NXPE4: variants seen among roughly 807,000 people sequenced by gnomAD.
NXPE4 encodes NXPE family member 4.
NXPE4 carries 42 observed loss-of-function variants against 33.3 expected under a neutral mutation model. The observed-to-expected ratio is 1.26, with a 90% CI of 0.98 to 1.63. NXPE4 has a LOEUF of 1.63. NXPE4 is among the 40% of genes most tolerant of loss of function. NXPE4 has a pLI of 0.00. For missense variants in NXPE4, 709 were observed against 647.6 expected, an observed-to-expected ratio of 1.09 and a Z score of -1.03; for synonymous variants, 253 against 234.9, an observed-to-expected ratio of 1.08 and a Z score of -0.71.
At chr11:114,666,331 A>T in the NXPE4 span, among the ~76,000 whole-genome samples, 2 of 152,222 alleles carry the variant, frequency 1.3e-5, no homozygotes, top group African/African-American at 4.8e-5. Flanking sequence ...GCCTCCTTTA[A>T]AGTAAAGTAA....
chr11:114,578,691 G>A lies in NXPE4; in HGVS notation c.1099+1441C>T, dbSNP rs533136853. ...CAGCTACTGCAATTCTCTCAGTGATGAGAGCCAGGATCCGGGGTCATAGAG... is the reference window on the plus strand; with the variant it reads ...CAGCTACTGCAATTCTCTCAGTGATAAGAGCCAGGATCCGGGGTCATAGAG... On this transcript the variant is annotated intron_variant, in intron 5 of 5. Coordinates refer to ENST00000375478, the MANE Select transcript of NXPE4 (RefSeq NM_001077639.2). Among the ~76,000 whole-genome samples the A allele has an allele frequency of 8.3e-4, 127 of 152,324 alleles. 1 individual carries two copies. In the Middle Eastern group the frequency reaches 0.01, roughly 12 times the overall value.
At chr11:114,625,337 T>G in the NXPE4 span, among the ~76,000 whole-genome samples, 1 of 152,150 alleles carries the variant, frequency 6.6e-6, no homozygotes, top group Non-Finnish European at 1.5e-5. Flanking sequence ...GGGTAACCAC[T>G]GTTACTGGGT....
the NXPE4 span, among the ~76,000 whole-genome samples, chr11:114,650,838 A>C: frequency 6.8e-6 from 1 of 147,198 alleles, no homozygotes; most frequent in Non-Finnish European, 1.5e-5. Context: ...GGACCCGGAA[A>C]ACAGAGTCTC....
the NXPE4 span, among the ~76,000 whole-genome samples, chr11:114,641,747 G>T: frequency 6.6e-6 from 1 of 152,042 alleles, no homozygotes; most frequent in East Asian, 1.9e-4. Context: ...AGTGGGCAAC[G>T]TTCTAGTACA....
chr11:114,612,853 T>C, the NXPE4 span, among the ~76,000 whole-genome samples: 1 of 152,018 alleles, frequency 6.6e-6, no homozygotes, highest in South Asian at 2.1e-4. Flanking sequence ...GCCTTGTGGG[T>C]AATCAATGTT....
the NXPE4 span, among the ~76,000 whole-genome samples, chr11:114,611,815 T>C: frequency 6.6e-6 from 1 of 151,930 alleles, no homozygotes; most frequent in Non-Finnish European, 1.5e-5. Context: ...GGGAAACCAC[T>C]GTTACCCGGT....
intron 2 of NXPE4, among the ~76,000 whole-genome samples, chr11:114,584,875 T>G (rs78834340): frequency 0.092 from 14,051 of 152,164 alleles, 717 homozygotes; most frequent in Middle Eastern, 0.2. Context: ...GGGTGATCTC[T>G]TCTAGGAAAT....
intron 2 of NXPE4, among the ~76,000 whole-genome samples, chr11:114,586,217 T>A (rs1244550495): frequency 1.3e-5 from 2 of 152,206 alleles, no homozygotes; most frequent in Non-Finnish European, 2.9e-5. Context: ...AGAGCTTTTC[T>A]CTTTCTTTTG....
the NXPE4 span, among the ~76,000 whole-genome samples, chr11:114,639,746 T>A: frequency 1.2e-4 from 15 of 128,990 alleles, no homozygotes; most frequent in Admixed American, 9.1e-4. Context: ...AAATAATATA[T>A]AATATATATT....
the NXPE4 span, among the ~76,000 whole-genome samples, chr11:114,640,056 A>T: frequency 1.7e-5 from 2 of 118,434 alleles, no homozygotes; most frequent in African/African-American, 3.5e-5. Context: ...ATAATATATA[A>T]TTTATTTAAA....
At chr11:114,589,184 G>A (rs1404110713) in intron 2 of NXPE4, among the ~76,000 whole-genome samples, 1 of 152,110 alleles carries the variant, frequency 6.6e-6, no homozygotes. Flanking sequence ...GGGACCACTG[G>A]TGATCAGACT....
chr11:114,638,515 T>C, the NXPE4 span, among the ~76,000 whole-genome samples: 1 of 152,106 alleles, frequency 6.6e-6, no homozygotes, highest in African/African-American at 2.4e-5. Context: ...TGAGGAACTG[T>C]GTTCCTTTCG....
the NXPE4 span, among the ~76,000 whole-genome samples, chr11:114,650,859 T>A: frequency 6.6e-6 from 1 of 151,988 alleles, no homozygotes; most frequent in Admixed American, 6.6e-5. Flanking sequence ...ACTGCTGCCC[T>A]ACCCCAAGAA....
the NXPE4 span, among the ~76,000 whole-genome samples, chr11:114,647,676 A>G: frequency 6.6e-6 from 1 of 151,324 alleles, no homozygotes; most frequent in Non-Finnish European, 1.5e-5. Context: ...CTTTCTCTCA[A>G]TCAGTATTTG....
At chr11:114,599,647 T>C (rs537985225), upstream of NXPE4, among the ~76,000 whole-genome samples, 1 of 152,302 alleles carries the variant, frequency 6.6e-6, no homozygotes, top group South Asian at 2.1e-4. Context: ...CTTTTACTCA[T>C]GGCAGAAGGC....
intron 2 of NXPE4, among the ~76,000 whole-genome samples, chr11:114,590,879 T>A (rs1949434467): frequency 6.6e-6 from 1 of 152,196 alleles, no homozygotes; most frequent in South Asian, 2.1e-4. Flanking sequence ...AACCTTTGGC[T>A]AACAGTCCGT....
chr11:114,601,659 A>ATT, the NXPE4 span, among the ~76,000 whole-genome samples: 2 of 38,080 alleles, frequency 5.3e-5, no homozygotes, highest in Admixed American at 4.7e-4. Flanking sequence ...ATATATTATA[A>ATT]ATAATTATAT....
the NXPE4 span, among the ~76,000 whole-genome samples, chr11:114,603,888 T>A: frequency 0.031 from 4,726 of 151,136 alleles, 121 homozygotes; most frequent in Admixed American, 0.081. Context: ...TGGTGGTTAA[T>A]AAGTATTGCC....
rs1226446126 is a variant in NXPE4, at chr11:114,570,703, G to T, written c.*235C>A. On this transcript the variant is annotated 3_prime_UTR_variant, in exon 6 of 6. Coordinates refer to ENST00000375478, the MANE Select transcript of NXPE4 (RefSeq NM_001077639.2). The stretch of plus-strand genomic sequence containing the variant: ...CTTCCCATTGGTGAAGAGGGGTATG[G>T]CTCTGATCAAGAAGGGTAGGCTCTT... 1 of 374,414 alleles carries T rather than the reference G, an allele frequency of 2.7e-6. No individual in the cohort carries two copies. The highest frequency in any genetic ancestry group is 2.1e-5 in the African/African-American group (1 of 47,854). 23.2% of individuals were successfully genotyped at this position (374,414 alleles called of 1,614,324 possible).
Sources: gnomAD v4.1 joint callset for allele counts (sites outside exome capture counted in the v4.1 genomes callset) on GRCh38, gnomAD v4.1.1 for gene constraint, MANE v1.5 for transcripts, NCBI Gene and HGNC (gene_info 2026-07-23, HGNC 2026-07-21) for gene names.